PCNX1: variants seen among roughly 807,000 people sequenced by gnomAD.
The protein encoded by PCNX1 is pecanex-like protein 1.
In PCNX1, 78 loss-of-function variants were observed where a neutral mutation model predicts 242.2. That is an observed-to-expected ratio of 0.32 (90% confidence interval 0.27 to 0.39). PCNX1 has a LOEUF of 0.39. Among genes scored for constraint, PCNX1 ranks in the 10% least tolerant of loss-of-function variants. PCNX1 has a pLI of 1.00. For synonymous variants in PCNX1, 1,024 were observed against 1,032.9 expected (o/e 0.99, Z 0.17); for missense variants, 2,581 against 2,856.5 (o/e 0.90, Z 2.20).
intron 2 of PCNX1, among the ~76,000 whole-genome samples, chr14:70,956,376 C>T (rs527596931): frequency 1.3e-5 from 2 of 151,822 alleles, no homozygotes; most frequent in African/African-American, 4.8e-5. Flanking sequence ...GACTCTGTCT[C>T]TACCAAAAAA....
At chr14:70,933,564 A>G (rs529702608) in intron 1 of PCNX1, among the ~76,000 whole-genome samples, 88 of 152,334 alleles carry the variant, frequency 5.8e-4, no homozygotes, top group Admixed American at 2.4e-3. Flanking sequence ...CTTTTATGCT[A>G]TAACAGTAGA....
At chr14:71,046,884 T>C in intron 20 of PCNX1, 80 bp from the exon 21 acceptor site, 1 of 1,100,334 alleles carries the variant, frequency 9.1e-7, no homozygotes, top group South Asian at 2.0e-5. Context: ...ACTAAATTTG[T>C]TGTAAAATTT....
chr14:71,081,040 T>G (rs2061841357), intron 28 of PCNX1, among the ~76,000 whole-genome samples: 1 of 152,180 alleles, frequency 6.6e-6, no homozygotes, highest in African/African-American at 2.4e-5. Context: ...TGAGATAGGT[T>G]CCATCAGTAC....
chr14:70,923,005 C>T (rs992819755), intron 1 of PCNX1, among the ~76,000 whole-genome samples: 2 of 152,116 alleles, frequency 1.3e-5, no homozygotes, highest in Non-Finnish European at 2.9e-5. Context: ...TATTATGAAT[C>T]TTTCTCAATG....
intron 28 of PCNX1, 35 bp downstream of exon 28, chr14:71,076,454 A>G: frequency 2.9e-6 from 4 of 1,394,686 alleles, no homozygotes; most frequent in Non-Finnish European, 4.1e-6. Flanking sequence ...CTTTGAATCC[A>G]GGTTTTTCCA....
intron 2 of PCNX1, 141 bp downstream of exon 2, chr14:70,947,264 G>T: frequency 1.5e-6 from 1 of 650,816 alleles, no homozygotes; most frequent in South Asian, 1.9e-5. Context: ...TACAATGATG[G>T]GTACATATTT....
At chr14:71,045,318 C>T (rs2060828303) in intron 20 of PCNX1, 35 bp downstream of exon 20, 1 of 1,471,474 alleles carries the variant, frequency 6.8e-7, no homozygotes, top group South Asian at 1.2e-5. Context: ...CTTTTTAATA[C>T]TATGAGTTTT....
chr14:71,051,338 T>G (rs879765736), intron 23 of PCNX1, among the ~76,000 whole-genome samples: 3 of 152,146 alleles, frequency 2.0e-5, no homozygotes, highest in Non-Finnish European at 4.4e-5. Flanking sequence ...TACATTTGCA[T>G]ATGTGAATAT....
At position 70,995,636 on chromosome 14, in the gene PCNX1, A is replaced by G. The variant is rs889689374; in HGVS notation, c.2445-105A>G. On this transcript the variant is annotated intron_variant, in intron 7 of 35. Transcript: ENST00000304743. ...GTTGGCGCTTTCTTAGGTTATGTTGAAAAAAAGTGCCTTTTTGAAATCAGT... is the reference window on the plus strand; with the variant it reads ...GTTGGCGCTTTCTTAGGTTATGTTGGAAAAAAGTGCCTTTTTGAAATCAGT... 4.2e-6 allele frequency: 4 copies of G among 949,344 alleles called. No individual in the cohort carries two copies. In the South Asian group the frequency reaches 6.6e-5, roughly 16 times the overall value. The allele number at this position is 949,344 out of a possible 1,614,324, so 58.8% of individuals were successfully genotyped here. A position where few individuals can be genotyped will look rare whatever the true frequency, so the allele number is the denominator to read the frequency against.
intron 26 of PCNX1, among the ~76,000 whole-genome samples, chr14:71,069,768 A>G (rs1049439765): frequency 6.6e-5 from 10 of 152,308 alleles, no homozygotes; most frequent in Admixed American, 2.6e-4. Context: ...CTTTTTGCTG[A>G]TGGAGGGTCT....
At chr14:70,949,159 T>C (rs1431259276) in intron 2 of PCNX1, among the ~76,000 whole-genome samples, 2 of 148,412 alleles carry the variant, frequency 1.3e-5, no homozygotes, top group African/African-American at 5.0e-5. Flanking sequence ...TGTGTATATA[T>C]ACTTATAAAT....
intron 6 of PCNX1, 48 bp downstream of exon 6, chr14:70,978,696 A>T (rs4391999): frequency 6.7e-7 from 1 of 1,496,194 alleles, no homozygotes; most frequent in South Asian, 1.3e-5. Flanking sequence ...CTGCTTTTTC[A>T]TACTATTAAT....
At chr14:70,912,700 T>C (rs2055977187) in intron 1 of PCNX1, among the ~76,000 whole-genome samples, 1 of 152,138 alleles carries the variant, frequency 6.6e-6, no homozygotes, top group Non-Finnish European at 1.5e-5. Context: ...CTTTTAAATA[T>C]TCTTTAAAGA....
In PCNX1 at chr14:71,033,366, A is replaced by G. The variant is rs888755653; in HGVS notation, c.3559-63A>G. 84 of 795,904 alleles carry G rather than the reference A, an allele frequency of 1.1e-4. No homozygotes were observed. In the African/African-American group the frequency reaches 1.2e-3, roughly 11 times the overall value. 49.3% of individuals were successfully genotyped at this position (795,904 alleles called of 1,614,324 possible). A position where few individuals can be genotyped will look rare whatever the true frequency, so the allele number is the denominator to read the frequency against. On this transcript the variant is annotated intron_variant, in intron 16 of 35. Transcript: ENST00000304743. ...GTCTTTTTCCAAAATACGTACATAA[A>G]AGGATTATGTGATATATTACAAATT...
intron 8 of PCNX1, among the ~76,000 whole-genome samples, chr14:70,996,332 A>G (rs1010883735): frequency 5.3e-5 from 8 of 152,276 alleles, no homozygotes; most frequent in Admixed American, 2.0e-4. Context: ...GTCTGCCACT[A>G]TAGAATCTTT....
chr14:70,986,489 A>G (rs993111907), intron 6 of PCNX1, among the ~76,000 whole-genome samples: 2 of 152,224 alleles, frequency 1.3e-5, no homozygotes, highest in African/African-American at 4.8e-5. Context: ...CATTTTGACT[A>G]AAAGTGGACA....
At chr14:71,100,253 T>A (rs933825164) in intron 30 of PCNX1, among the ~76,000 whole-genome samples, 13 of 152,216 alleles carry the variant, frequency 8.5e-5, no homozygotes, top group African/African-American at 3.1e-4. Flanking sequence ...GTTTCCATGT[T>A]TAGAACTCCC....
intron 1 of PCNX1, among the ~76,000 whole-genome samples, chr14:70,938,689 G>T (rs1266811532): frequency 6.6e-6 from 1 of 152,178 alleles, no homozygotes; most frequent in Admixed American, 6.5e-5. Flanking sequence ...GATTGGAATA[G>T]TTTCAGAAGG....
chr14:70,946,897 A>C lies in PCNX1; in HGVS notation c.154-18A>C, dbSNP rs2057479107. 1 of 1,488,760 alleles carries C rather than the reference A, an allele frequency of 6.7e-7. No homozygotes were observed. The highest frequency in any genetic ancestry group is 9.4e-7 in the Non-Finnish European group (1 of 1,069,236). 92.2% of individuals were successfully genotyped at this position (1,488,760 alleles called of 1,614,324 possible). ...AAAATATTTTAAAATGTATTTCCTT[A>C]TTTTCTTTCTCTTAAAGGCCCTTCC... On this transcript the variant is annotated intron_variant, in intron 1 of 35. Transcript: ENST00000304743.
Sources: gnomAD v4.1 joint callset for allele counts (sites outside exome capture counted in the v4.1 genomes callset) on GRCh38, gnomAD v4.1.1 for gene constraint, MANE v1.5 for transcripts, NCBI Gene and HGNC (gene_info 2026-07-23, HGNC 2026-07-21) for gene names.